Variants in COMMD10 observed in about 807,000 individuals in gnomAD.
COMMD10 encodes the protein COMM domain containing 10, also known as COMM domain-containing protein 10.
In COMMD10, 33 loss-of-function variants were observed where a neutral mutation model predicts 28.9. That is an observed-to-expected ratio of 1.14 (90% CI 0.87 to 1.53). The LOEUF is 1.53. COMMD10 is among the 40% of genes most tolerant of loss of function. The pLI, the probability that COMMD10 is intolerant of heterozygous loss-of-function variation, is 0.00. For missense variants in COMMD10, 310 were observed against 233.4 expected, an observed-to-expected ratio of 1.33 and a Z score of -2.14; for synonymous variants, 110 against 81.7, an observed-to-expected ratio of 1.35 and a Z score of -1.87.
chr5:116,153,434 G>A (rs536623982), intron 5 of COMMD10, among the ~76,000 whole-genome samples: 1 of 152,182 alleles, frequency 6.6e-6, no homozygotes, highest in South Asian at 2.1e-4. Context: ...CAGCCTGGAT[G>A]GGTGGGGCTG....
intron 5 of COMMD10, among the ~76,000 whole-genome samples, chr5:116,249,385 ATTTG>A (rs1297860757): frequency 1.3e-5 from 2 of 151,952 alleles, no homozygotes; most frequent in African/African-American, 2.4e-5. Flanking sequence ...CGTAGAGCTC[ATTTG>A]TTTCAATGAA....
rs557473118 is a variant in COMMD10 at position 116,141,421 on chromosome 5, AT to A, written c.510+7251del. 4.8e-3 allele frequency among the ~76,000 whole-genome samples: 724 copies of A among 151,160 alleles called. 5 individuals are homozygous for A. Among genetic ancestry groups the A allele is most frequent in the African/African-American group, 0.015 (614 of 41,270 alleles). On this transcript the variant is annotated intron_variant, in intron 5 of 6. Transcript: ENST00000274458. ...TTGGTTATTCCATGCGAATTTTAGA[AT>A]TTTTTTTCTCTATTTCTGTGAAAAA...
chr5:116,188,152 C>A (rs1462949494), intron 5 of COMMD10, among the ~76,000 whole-genome samples: 58 of 151,984 alleles, frequency 3.8e-4, no homozygotes, highest in Non-Finnish European at 7.4e-5. Flanking sequence ...TTTATTTGAC[C>A]AATTAGTACT....
chr5:116,096,876 G>T (rs1013532199), intron 4 of COMMD10, among the ~76,000 whole-genome samples: 3 of 151,366 alleles, frequency 2.0e-5, no homozygotes, highest in Admixed American at 6.6e-5. Flanking sequence ...TTGTTTCCCT[G>T]CAATTCTTTT....
At chr5:116,218,760 A>G (rs1288502538) in intron 5 of COMMD10, among the ~76,000 whole-genome samples, 23 of 152,190 alleles carry the variant, frequency 1.5e-4, no homozygotes, top group Non-Finnish European at 7.3e-5. Context: ...AGTCCTGAAT[A>G]GTAGTCGAGT....
chr5:116,224,478 T>A (rs982706624), intron 5 of COMMD10, among the ~76,000 whole-genome samples: 1 of 152,190 alleles, frequency 6.6e-6, no homozygotes, highest in African/African-American at 2.4e-5. Flanking sequence ...CTGCTTCTGG[T>A]AAGGCCTCAG....
intron 5 of COMMD10, among the ~76,000 whole-genome samples, chr5:116,181,414 T>G (rs1747953763): frequency 2.0e-5 from 3 of 150,440 alleles, no homozygotes; most frequent in African/African-American, 7.4e-5. Flanking sequence ...ACAATACAAA[T>G]TAAAGCTGAG....
At chr5:116,276,423 G>T (rs943336986) in intron 5 of COMMD10, among the ~76,000 whole-genome samples, 8 of 151,434 alleles carry the variant, frequency 5.3e-5, no homozygotes, top group African/African-American at 2.0e-4. Context: ...TTTTAGTAGA[G>T]ACAGGGTTTT....
intron 5 of COMMD10, among the ~76,000 whole-genome samples, chr5:116,205,290 T>G (rs2112627741): frequency 6.6e-6 from 1 of 152,298 alleles, no homozygotes; most frequent in East Asian, 1.9e-4. Context: ...ACGATTTTCC[T>G]AGCAATATAA....
chr5:116,159,553 C>G (rs979364735), intron 5 of COMMD10, among the ~76,000 whole-genome samples: 1 of 152,162 alleles, frequency 6.6e-6, no homozygotes. Context: ...CTGCTCTGGA[C>G]AAAGTCAGTG....
intron 5 of COMMD10, among the ~76,000 whole-genome samples, chr5:116,227,094 C>A (rs934281139): frequency 6.6e-6 from 1 of 152,002 alleles, no homozygotes; most frequent in Non-Finnish European, 1.5e-5. Context: ...AAAGCAGGGT[C>A]TGTATCTATC....
intron 5 of COMMD10, among the ~76,000 whole-genome samples, chr5:116,142,312 C>G (rs551452323): frequency 1.3e-5 from 2 of 151,814 alleles, no homozygotes; most frequent in Admixed American, 6.6e-5. Context: ...CTTACCCTGT[C>G]AAATACTGGG....
chr5:116,105,912 C>T (rs1366795798), intron 4 of COMMD10, among the ~76,000 whole-genome samples: 10 of 145,258 alleles, frequency 6.9e-5, no homozygotes, highest in Admixed American at 6.1e-4. Flanking sequence ...AAAACCAGCT[C>T]CTGGATTCAT....
chr5:116,091,519 A>C (rs1307060963), intron 3 of COMMD10, among the ~76,000 whole-genome samples: 1 of 152,170 alleles, frequency 6.6e-6, no homozygotes, highest in Non-Finnish European at 1.5e-5. Flanking sequence ...TTAGAAAAGA[A>C]GTATTGTCAT....
At chr5:116,210,375 T>G (rs983905805) in intron 5 of COMMD10, among the ~76,000 whole-genome samples, 1 of 151,816 alleles carries the variant, frequency 6.6e-6, no homozygotes. Flanking sequence ...GGCATACTTA[T>G]GTGTTTATAT....
At chr5:116,268,769 A>G (rs1042782175) in intron 5 of COMMD10, among the ~76,000 whole-genome samples, 5 of 151,892 alleles carry the variant, frequency 3.3e-5, no homozygotes, top group Admixed American at 6.6e-5. Flanking sequence ...GTGCAGCCAT[A>G]AAAAAGGATG....
intron 5 of COMMD10, among the ~76,000 whole-genome samples, chr5:116,176,185 C>T (rs956891402): frequency 6.6e-6 from 1 of 152,126 alleles, no homozygotes; most frequent in African/African-American, 2.4e-5. Flanking sequence ...GATCTTGGTT[C>T]TCTGCAACCT....
At chr5:116,167,822 C>G (rs1010700678) in intron 5 of COMMD10, among the ~76,000 whole-genome samples, 4 of 152,006 alleles carry the variant, frequency 2.6e-5, no homozygotes, top group Non-Finnish European at 5.9e-5. Flanking sequence ...TACAAGAGCT[C>G]CTGAAGGAAA....
intron 4 of COMMD10, among the ~76,000 whole-genome samples, chr5:116,094,234 A>G (rs1195013588): frequency 1.3e-5 from 2 of 152,202 alleles, no homozygotes; most frequent in African/African-American, 2.4e-5. Flanking sequence ...TGAAGACACA[A>G]CCTGACAAAT....
Sources: gnomAD v4.1 joint callset for allele counts (sites outside exome capture counted in the v4.1 genomes callset) on GRCh38, gnomAD v4.1.1 for gene constraint, MANE v1.5 for transcripts, NCBI Gene and HGNC (gene_info 2026-07-23, HGNC 2026-07-21) for gene names.